CENPP: variants seen among roughly 807,000 people sequenced by gnomAD.
CENPP encodes centromere protein P.
CENPP carries 24 observed loss-of-function variants against 35.6 expected under a neutral mutation model. That is an observed-to-expected ratio of 0.67 (90% CI 0.49 to 0.95). The LOEUF (loss-of-function observed/expected upper bound fraction) is 0.95, where lower values mean the gene tolerates loss of function less well. Among genes scored for constraint, CENPP ranks in the 40% least tolerant of loss-of-function variants. The pLI is 0.00. For missense variants in CENPP, 332 were observed against 345.3 expected, an observed-to-expected ratio of 0.96 and a Z score of 0.31; for synonymous variants, 120 against 125.5, an observed-to-expected ratio of 0.96 and a Z score of 0.29.
At chr9:92,368,915 C>A (rs1463345818) in intron 4 of CENPP, among the ~76,000 whole-genome samples, 2 of 151,998 alleles carry the variant, frequency 1.3e-5, no homozygotes, top group Non-Finnish European at 2.9e-5. Context: ...GTCTGCCTGC[C>A]TGCCTGTAGT....
chr9:92,382,332 G>A (rs1488715435), intron 5 of CENPP, among the ~76,000 whole-genome samples: 6 of 151,984 alleles, frequency 3.9e-5, no homozygotes, highest in Non-Finnish European at 5.9e-5. Context: ...AGGGTAATTA[G>A]CATTTCCATC....
chr9:92,361,619 G>A (rs947195174), intron 4 of CENPP, among the ~76,000 whole-genome samples: 3 of 151,354 alleles, frequency 2.0e-5, no homozygotes, highest in African/African-American at 7.3e-5. Context: ...AGCTAGGATT[G>A]CAGGCATGCA....
chr9:92,492,818 CTGT>C (rs1846210444), intron 5 of CENPP, among the ~76,000 whole-genome samples: 1 of 152,210 alleles, frequency 6.6e-6, no homozygotes, highest in South Asian at 2.1e-4. Flanking sequence ...CACATATTCC[CTGT>C]TGTTCTCATG....
chr9:92,416,072 T>TATATATATATATATA lies in CENPP; in HGVS notation c.564+36213_564+36214insATATATATATATATA, dbSNP rs368634649. Among the ~76,000 whole-genome samples, 947 of 124,918 alleles carry TATATATATATATATA rather than the reference T, an allele frequency of 7.6e-3. 11 individuals are homozygous for TATATATATATATATA. The highest frequency in any genetic ancestry group is 0.013 in the Non-Finnish European group (762 of 59,942). The allele number at this position is 124,918 out of a possible 152,430, so 82.0% of individuals were successfully genotyped here. ...TATATATGTGTGTATATATATATAT[T>TATATATATATATATA]TATTTATTTATTTATTTATTTATTT... On this transcript the variant is annotated intron_variant, in intron 5 of 7. Coordinates refer to ENST00000375587, the MANE Select transcript of CENPP (RefSeq NM_001012267.3).
At chr9:92,374,119 C>CA (rs35803886) in intron 4 of CENPP, among the ~76,000 whole-genome samples, 49,406 of 97,616 alleles carry the variant, frequency 0.51, 11,299 homozygotes, top group Non-Finnish European at 0.6. Flanking sequence ...CAGCAGTGAC[C>CA]AAAAAAAAAA....
In CENPP at chr9:92,476,118, C is replaced by T. The variant is rs1002106676; in HGVS notation, c.564+96259C>T. On this transcript the variant is annotated intron_variant, in intron 5 of 7. Coordinates refer to ENST00000375587, the MANE Select transcript of CENPP (RefSeq NM_001012267.3). This position sits in a 1 kb window ranked among gnomAD's most constrained non-coding sequence, Gnocchi z 4.1. The stretch of plus-strand genomic sequence containing the variant: ...CACTCACCACCACAGCAGAGGGCTC[C>T]GCAGACCCTAATAGTCCACCAGGCT... Among the ~76,000 whole-genome samples the T allele has an allele frequency of 4.6e-5, 7 of 152,102 alleles. No individual in the cohort carries two copies. The highest frequency in any genetic ancestry group is 9.7e-5 in the African/African-American group (4 of 41,400).
chr9:92,589,862 CAT>C (rs1243458506), intron 5 of CENPP, among the ~76,000 whole-genome samples: 6 of 152,144 alleles, frequency 3.9e-5, no homozygotes, highest in Non-Finnish European at 7.3e-5. Flanking sequence ...TGAAGATAAT[CAT>C]ATGTTCATAT....
In CENPP at chr9:92,566,894, G is replaced by A. The variant is rs76805071; in HGVS notation, c.565-44420G>A. ...GAGTTCAACAAACTCCAAGTAAGAA[G>A]AATTCAAAGATACACCTGTGCAAAA... On this transcript the variant is annotated intron_variant, in intron 5 of 7. Coordinates refer to ENST00000375587, the MANE Select transcript of CENPP (RefSeq NM_001012267.3). Among the ~76,000 whole-genome samples the A allele has an allele frequency of 2.2e-3, 334 of 152,244 alleles. 3 individuals carry two copies. In the East Asian group the frequency reaches 0.039, roughly 18 times the overall value.
chr9:92,593,625 C>T lies in CENPP; in HGVS notation c.565-17689C>T. Among the ~76,000 whole-genome samples, 1 of 152,178 alleles carries T rather than the reference C, an allele frequency of 6.6e-6. No homozygotes were observed. The highest frequency in any genetic ancestry group is 1.5e-5 in the Non-Finnish European group (1 of 68,026). ...TATCTGTTTTGAGTTTTAAGTCAAGCCCATAATAAGCTGGTTCCTTCCTCC... is the reference window on the plus strand; with the variant it reads ...TATCTGTTTTGAGTTTTAAGTCAAGTCCATAATAAGCTGGTTCCTTCCTCC... On this transcript the variant is annotated intron_variant, in intron 5 of 7. Coordinates refer to ENST00000375587, the MANE Select transcript of CENPP (RefSeq NM_001012267.3). This position sits in a 1 kb window ranked among gnomAD's most constrained non-coding sequence, Gnocchi z 4.1.
chr9:92,405,910 A>G (rs751999150), intron 5 of CENPP, among the ~76,000 whole-genome samples: 2 of 152,252 alleles, frequency 1.3e-5, no homozygotes, highest in Non-Finnish European at 2.9e-5. Context: ...ACGTAAGCTC[A>G]GATAAGCAAA....
At chr9:92,584,523 A>G (rs1850498850) in intron 5 of CENPP, among the ~76,000 whole-genome samples, 1 of 151,930 alleles carries the variant, frequency 6.6e-6, no homozygotes, top group African/African-American at 2.4e-5. Context: ...TAAGTTTTAC[A>G]TTTTTTTAAG....
At chr9:92,450,998 T>C (rs1298615119) in intron 5 of CENPP, among the ~76,000 whole-genome samples, 93 of 151,836 alleles carry the variant, frequency 6.1e-4, no homozygotes, top group African/African-American at 1.4e-3. Context: ...GGATATTAGC[T>C]CTTTGTCAGA....
At chr9:92,422,261 C>T (rs1180961270) in intron 5 of CENPP, among the ~76,000 whole-genome samples, 3 of 152,042 alleles carry the variant, frequency 2.0e-5, no homozygotes, top group African/African-American at 7.2e-5. Context: ...GCCATGTTGG[C>T]CAGCCTGGTC....
chr9:92,337,764 G>A (rs1840976070), intron 3 of CENPP, 135 bp downstream of exon 3: 1 of 676,414 alleles, frequency 1.5e-6, no homozygotes, highest in African/African-American at 1.8e-5. Context: ...TAGCACATTT[G>A]TGCAAAGTGG....
intron 5 of CENPP, among the ~76,000 whole-genome samples, chr9:92,497,949 C>T (rs1564354655): frequency 6.6e-6 from 1 of 151,546 alleles, no homozygotes; most frequent in Admixed American, 6.6e-5. Context: ...GTAATCTCTA[C>T]ACACTCCATC....
At chr9:92,492,056 C>T (rs559433682) in intron 5 of CENPP, among the ~76,000 whole-genome samples, 3 of 152,254 alleles carry the variant, frequency 2.0e-5, no homozygotes, top group Admixed American at 6.5e-5. Context: ...CTCTGAACTA[C>T]GTGTATGTGT....
chr9:92,569,556 A>G, intron 5 of CENPP, among the ~76,000 whole-genome samples: 1 of 152,076 alleles, frequency 6.6e-6, no homozygotes, highest in Non-Finnish European at 1.5e-5. Context: ...TTGTCTTGGA[A>G]ATGCGGGCTC....
chr9:92,539,257 T>C (rs1417726013), intron 5 of CENPP: 1 of 152,126 alleles, frequency 6.6e-6, no homozygotes, highest in Non-Finnish European at 1.5e-5. Context: ...TAAACCTCTT[T>C]TTACCAGCCC....
At chr9:92,470,572 G>T in intron 5 of CENPP, 2 of 615,292 alleles carry the variant, frequency 3.3e-6, no homozygotes, top group East Asian at 3.3e-5. Context: ...TTACAGAAAA[G>T]TAAGACTTGT....
Sources: allele counts gnomAD v4.1 joint callset (sites outside exome capture counted in the v4.1 genomes callset), GRCh38; gene constraint gnomAD v4.1.1; non-coding constraint Gnocchi (gnomAD v3.1); transcripts MANE v1.5; gene names NCBI Gene and HGNC (gene_info 2026-07-23, HGNC 2026-07-21).